RPS6KC1: variants seen among roughly 807,000 people sequenced by gnomAD.
The protein encoded by RPS6KC1 is inactive ribosomal protein S6 kinase delta-1.
A neutral mutation model predicts 103.8 loss-of-function variants in RPS6KC1; 54 were observed. The ratio of observed to expected loss-of-function variants is 0.52; its 90% CI spans 0.42 to 0.65. The LOEUF (loss-of-function observed/expected upper bound fraction) is 0.65. Ranked by LOEUF, RPS6KC1 falls within the 30% of genes least tolerant of loss-of-function variation. RPS6KC1 has a pLI of 0.00. For missense variants in RPS6KC1, 1,151 were observed against 1,253.8 expected, an observed-to-expected ratio of 0.92 and a Z score of 1.24; for synonymous variants, 439 against 438.7, an observed-to-expected ratio of 1.00 and a Z score of -0.01.
intron 14 of RPS6KC1, among the ~76,000 whole-genome samples, chr1:213,266,793 C>G (rs1014768859): frequency 2.0e-5 from 3 of 151,868 alleles, no homozygotes; most frequent in Non-Finnish European, 2.9e-5. Context: ...GTCCCAGGTA[C>G]TTGGGAGGCT....
At chr1:213,166,910 T>C (rs2091015442) in intron 6 of RPS6KC1, among the ~76,000 whole-genome samples, 1 of 152,248 alleles carries the variant, frequency 6.6e-6, no homozygotes, top group Admixed American at 6.5e-5. Flanking sequence ...GGGATTTCTT[T>C]CTATTTTTTC....
At chr1:213,112,335 C>T (rs1314169210) in intron 4 of RPS6KC1, among the ~76,000 whole-genome samples, 2 of 152,076 alleles carry the variant, frequency 1.3e-5, no homozygotes, top group South Asian at 2.1e-4. Flanking sequence ...ACCACCACTA[C>T]TTGTCTGGTG....
the RPS6KC1 span, among the ~76,000 whole-genome samples, chr1:213,290,859 T>C: frequency 9.2e-5 from 14 of 152,184 alleles, no homozygotes; most frequent in Non-Finnish European, 1.5e-4. Context: ...ACCTGTCTTG[T>C]ACTTATCCTG....
intron 8 of RPS6KC1, among the ~76,000 whole-genome samples, chr1:213,206,594 TAGAA>T (rs1185888433): frequency 6.6e-5 from 10 of 152,208 alleles, no homozygotes; most frequent in Non-Finnish European, 1.2e-4. Flanking sequence ...TTCAAAGTCT[TAGAA>T]AGTCCTTTTT....
intron 8 of RPS6KC1, among the ~76,000 whole-genome samples, chr1:213,198,877 C>T (rs2093050030): frequency 6.6e-6 from 1 of 152,056 alleles, no homozygotes; most frequent in Non-Finnish European, 1.5e-5. Context: ...TTTAAATTTA[C>T]CCAAATAAAA....
At chr1:213,428,873 G>T in the RPS6KC1 span, 3 of 157,848 alleles carry the variant, frequency 1.9e-5, no homozygotes, top group South Asian at 5.4e-4. Flanking sequence ...GAGCTTTGTT[G>T]ATTCTGGTGT....
chr1:213,184,309 C>T (rs915443799), intron 8 of RPS6KC1, among the ~76,000 whole-genome samples: 4 of 152,034 alleles, frequency 2.6e-5, no homozygotes, highest in Admixed American at 2.0e-4. Context: ...CCAATATTCT[C>T]ATAAGTGTAG....
At chr1:213,403,857 A>G in the RPS6KC1 span, among the ~76,000 whole-genome samples, 1 of 152,226 alleles carries the variant, frequency 6.6e-6, no homozygotes, top group African/African-American at 2.4e-5. Context: ...GAGGCCTGCC[A>G]TTCCTATCAT....
At chr1:213,204,555 G>A (rs2093277492) in intron 8 of RPS6KC1, among the ~76,000 whole-genome samples, 1 of 151,070 alleles carries the variant, frequency 6.6e-6, no homozygotes, top group East Asian at 1.9e-4. Context: ...GCCTAAATCT[G>A]CACGTGCTGT....
chr1:213,192,719 T>A (rs530672266), intron 8 of RPS6KC1, among the ~76,000 whole-genome samples: 2 of 152,286 alleles, frequency 1.3e-5, no homozygotes, highest in African/African-American at 4.8e-5. Context: ...TGCTCTAATC[T>A]TTATTATTTC....
the RPS6KC1 span, among the ~76,000 whole-genome samples, chr1:213,385,877 G>A: frequency 3.3e-5 from 5 of 152,278 alleles, no homozygotes; most frequent in East Asian, 1.9e-4. Flanking sequence ...AAGACAGTGC[G>A]GCTAAGAGTG....
intron 5 of RPS6KC1, among the ~76,000 whole-genome samples, chr1:213,128,062 A>G (rs1317810844): frequency 2.0e-5 from 3 of 152,204 alleles, no homozygotes; most frequent in African/African-American, 7.2e-5. Flanking sequence ...ATCAAAGAAC[A>G]ATATTCATAA....
the RPS6KC1 span, among the ~76,000 whole-genome samples, chr1:213,435,763 C>T: frequency 2.6e-5 from 4 of 152,192 alleles, no homozygotes; most frequent in Non-Finnish European, 4.4e-5. Context: ...TCCTGACACA[C>T]ATGTTAATTA....
chr1:213,190,960 A>G (rs900035710), intron 8 of RPS6KC1, among the ~76,000 whole-genome samples: 2 of 152,036 alleles, frequency 1.3e-5, no homozygotes, highest in Non-Finnish European at 2.9e-5. Flanking sequence ...TTCACTGTAG[A>G]TATATGACTT....
the RPS6KC1 span, among the ~76,000 whole-genome samples, chr1:213,416,798 C>T: frequency 6.6e-6 from 1 of 152,278 alleles, no homozygotes; most frequent in East Asian, 1.9e-4. Context: ...CCCTTCCACT[C>T]CCCTCTTCCT....
At chr1:213,129,237 A>G (rs1339918022) in intron 5 of RPS6KC1, among the ~76,000 whole-genome samples, 5 of 152,232 alleles carry the variant, frequency 3.3e-5, no homozygotes, top group Non-Finnish European at 5.9e-5. Context: ...TTCTGTAAAT[A>G]GCTTACAGGA....
the RPS6KC1 span, among the ~76,000 whole-genome samples, chr1:213,775,944 T>C: frequency 6.6e-6 from 1 of 152,230 alleles, no homozygotes; most frequent in Non-Finnish European, 1.5e-5. Context: ...AGATTCTAAC[T>C]CAAGAAACCA....
the RPS6KC1 span, among the ~76,000 whole-genome samples, chr1:213,622,855 T>C: frequency 6.6e-6 from 1 of 152,134 alleles, no homozygotes; most frequent in African/African-American, 2.4e-5. Context: ...CACTAGGGCC[T>C]CCCTTATTTC....
the RPS6KC1 span, among the ~76,000 whole-genome samples, chr1:213,726,349 A>G: frequency 2.0e-5 from 3 of 152,224 alleles, no homozygotes; most frequent in Admixed American, 2.0e-4. Context: ...TGCTAGGATT[A>G]TGGGCATAAA....
Sources: gnomAD v4.1 joint callset for allele counts (sites outside exome capture counted in the v4.1 genomes callset) on GRCh38, gnomAD v4.1.1 for gene constraint, MANE v1.5 for transcripts, NCBI Gene and HGNC (gene_info 2026-07-23, HGNC 2026-07-21) for gene names.